Variants in TSPAN5 observed in about 807,000 individuals in gnomAD.
TSPAN5 encodes tetraspanin-5.
In TSPAN5, 10 loss-of-function variants were observed where a neutral mutation model predicts 37.1. The observed-to-expected ratio is 0.27, with a 90% CI of 0.17 to 0.46. TSPAN5 has a LOEUF of 0.46. TSPAN5 is among the 20% of genes least tolerant of loss of function. The pLI is 1.00. For missense variants in TSPAN5, 195 were observed against 326.6 expected (o/e 0.60, Z 3.11); for synonymous variants, 110 against 118.9 (o/e 0.93, Z 0.48).
intron 1 of TSPAN5, among the ~76,000 whole-genome samples, chr4:98,532,405 C>T (rs1202055456): frequency 6.6e-6 from 1 of 152,196 alleles, no homozygotes; most frequent in Non-Finnish European, 1.5e-5. Flanking sequence ...AGGTCCTTCA[C>T]ATCCCTTGTA....
At chr4:98,609,916 G>A (rs1756141139) in intron 1 of TSPAN5, among the ~76,000 whole-genome samples, 1 of 152,078 alleles carries the variant, frequency 6.6e-6, no homozygotes, top group Non-Finnish European at 1.5e-5. Context: ...GATTTCTCTG[G>A]CTTCATAAGC....
intron 2 of TSPAN5, among the ~76,000 whole-genome samples, chr4:98,488,005 C>T (rs1753010159): frequency 6.6e-6 from 1 of 152,098 alleles, no homozygotes; most frequent in African/African-American, 2.4e-5. Flanking sequence ...AAAATACCTC[C>T]AGAGAATCAC....
At chr4:98,618,958 A>AT (rs1183443527) in intron 1 of TSPAN5, among the ~76,000 whole-genome samples, 4 of 151,864 alleles carry the variant, frequency 2.6e-5, no homozygotes, top group Admixed American at 1.3e-4. Context: ...CAGACTTGAA[A>AT]TTTTTTTTTA....
chr4:98,580,863 C>T (rs565986871), intron 1 of TSPAN5, among the ~76,000 whole-genome samples: 1 of 141,980 alleles, frequency 7.0e-6, no homozygotes, highest in East Asian at 2.3e-4. Flanking sequence ...AAGGACAAGG[C>T]TGACAGAGTC....
rs576852948 is a variant in TSPAN5 at position 98,533,543 on chromosome 4, C to CTTT, written c.82-25818_82-25816dup. Among the ~76,000 whole-genome samples the CTTT allele has an allele frequency of 1.4e-3, 84 of 58,566 alleles. 9 individuals are homozygous for CTTT. The highest frequency in any genetic ancestry group is 0.012 in the South Asian group (9 of 748). The allele number at this position is 58,566 out of a possible 152,430, so 38.4% of individuals were successfully genotyped here. On this transcript the variant is annotated intron_variant, in intron 1 of 7. Transcript: ENST00000305798. The stretch of plus-strand genomic sequence containing the variant: ...GGATTGGTGGTGATATCCCCTATAT[C>CTTT]TTTTTTTTTTTTTTTTTTTTTTCTT...
chr4:98,531,186 C>T (rs990813044), intron 1 of TSPAN5, among the ~76,000 whole-genome samples: 1 of 152,198 alleles, frequency 6.6e-6, no homozygotes, highest in South Asian at 2.1e-4. Context: ...CTGTCACCTA[C>T]ATTAGGTATT....
At chr4:98,646,672 G>GA (rs1293816552) in intron 1 of TSPAN5, among the ~76,000 whole-genome samples, 1 of 152,166 alleles carries the variant, frequency 6.6e-6, no homozygotes, top group East Asian at 1.9e-4. Flanking sequence ...ACAATGAAAA[G>GA]AACACTGTGA....
intron 1 of TSPAN5, among the ~76,000 whole-genome samples, chr4:98,600,266 G>A (rs1436936688): frequency 1.3e-5 from 2 of 152,130 alleles, no homozygotes; most frequent in Non-Finnish European, 2.9e-5. Flanking sequence ...GACGGTGGTG[G>A]CGCTGAAGGT....
At chr4:98,497,469 C>T (rs764841011) in intron 2 of TSPAN5, among the ~76,000 whole-genome samples, 10 of 152,106 alleles carry the variant, frequency 6.6e-5, no homozygotes, top group Non-Finnish European at 1.0e-4. Flanking sequence ...CCCAGCCTGG[C>T]GAACTGTGAG....
At chr4:98,564,818 C>A (rs1231980754) in intron 1 of TSPAN5, among the ~76,000 whole-genome samples, 2 of 151,856 alleles carry the variant, frequency 1.3e-5, no homozygotes, top group African/African-American at 4.8e-5. Context: ...ATTTTTAAGG[C>A]CCTACTTTAA....
intron 1 of TSPAN5, among the ~76,000 whole-genome samples, chr4:98,522,399 C>A (rs1248000476): frequency 1.3e-5 from 2 of 152,212 alleles, no homozygotes; most frequent in African/African-American, 4.8e-5. Context: ...AATGCCAGGA[C>A]CCTTCTTAAT....
chr4:98,552,667 T>G (rs994323541), intron 1 of TSPAN5, among the ~76,000 whole-genome samples: 2 of 152,282 alleles, frequency 1.3e-5, no homozygotes, highest in Middle Eastern at 3.4e-3. Flanking sequence ...GGGATTTCTA[T>G]TCAAGTATTT....
At chr4:98,609,885 T>C (rs540133921) in intron 1 of TSPAN5, among the ~76,000 whole-genome samples, 26 of 152,190 alleles carry the variant, frequency 1.7e-4, no homozygotes, top group African/African-American at 6.3e-4. Context: ...AGGGCAAAGG[T>C]AAGTCAGAGG....
At chr4:98,525,403 C>T (rs1005719958) in intron 1 of TSPAN5, among the ~76,000 whole-genome samples, 3 of 152,154 alleles carry the variant, frequency 2.0e-5, no homozygotes, top group African/African-American at 7.2e-5. Flanking sequence ...GTGAACCGAA[C>T]TGAAGTGTCC....
intron 1 of TSPAN5, among the ~76,000 whole-genome samples, chr4:98,637,369 A>T (rs1310003119): frequency 6.6e-6 from 1 of 152,050 alleles, no homozygotes; most frequent in African/African-American, 2.4e-5. Flanking sequence ...CTACTTTCTG[A>T]TCCATTATTT....
At chr4:98,498,587 G>A (rs1480774503) in intron 2 of TSPAN5, among the ~76,000 whole-genome samples, 1 of 152,108 alleles carries the variant, frequency 6.6e-6, no homozygotes, top group African/African-American at 2.4e-5. Flanking sequence ...AGGGGTCAGA[G>A]GAGGACTGAG....
intron 7 of TSPAN5, 141 bp from the exon 8 acceptor site, chr4:98,472,728 T>C (rs1246718042): frequency 3.0e-6 from 2 of 677,450 alleles, no homozygotes; most frequent in Admixed American, 2.5e-5. Context: ...TTGAAATGTG[T>C]ATAATTCAGG....
intron 1 of TSPAN5, among the ~76,000 whole-genome samples, chr4:98,592,745 T>G (rs1370897865): frequency 2.6e-5 from 4 of 151,182 alleles, no homozygotes; most frequent in Admixed American, 1.3e-4. Context: ...ATTTCATCCA[T>G]GTCCCTACAA....
intron 1 of TSPAN5, among the ~76,000 whole-genome samples, chr4:98,639,984 G>A (rs1259179800): frequency 2.0e-5 from 3 of 152,146 alleles, no homozygotes; most frequent in African/African-American, 7.2e-5. Context: ...CATTCTGAAA[G>A]GCACTAACTT....
Sources: gnomAD v4.1 joint callset for allele counts (sites outside exome capture counted in the v4.1 genomes callset) on GRCh38, gnomAD v4.1.1 for gene constraint, MANE v1.5 for transcripts, NCBI Gene and HGNC (gene_info 2026-07-23, HGNC 2026-07-21) for gene names.